The following DPY19L3 variants were observed in gnomAD, a reference collection of about 807,000 sequenced individuals.
The protein encoded by DPY19L3 is dpy-19 like C-mannosyltransferase 3.
A neutral mutation model predicts 92.3 loss-of-function variants in DPY19L3; 51 were observed. That is an observed-to-expected ratio of 0.55 (90% confidence interval 0.44 to 0.70). The LOEUF is 0.70. Ranked by LOEUF, DPY19L3 falls within the 30% of genes least tolerant of loss-of-function variation. The probability of loss-of-function intolerance (pLI) is 0.00; values close to 1 mark genes in which losing one functional copy is unlikely to be tolerated. For synonymous variants in DPY19L3, 309 were observed against 315.2 expected, an observed-to-expected ratio of 0.98 and a Z score of 0.21; for missense variants, 706 against 855.9, an observed-to-expected ratio of 0.82 and a Z score of 2.18.
At chr19:32,457,792 C>G (rs536708533) in intron 10 of DPY19L3, among the ~76,000 whole-genome samples, 63 of 152,292 alleles carry the variant, frequency 4.1e-4, no homozygotes, top group Non-Finnish European at 7.5e-4. Flanking sequence ...GCACACTATG[C>G]CTCAGCCTTC....
intron 12 of DPY19L3, among the ~76,000 whole-genome samples, chr19:32,462,298 G>C (rs1430358866): frequency 6.6e-6 from 1 of 152,154 alleles, no homozygotes; most frequent in Non-Finnish European, 1.5e-5. Flanking sequence ...AGGACCAAGG[G>C]ATGATGATCT....
intron 8 of DPY19L3, among the ~76,000 whole-genome samples, chr19:32,441,228 G>T (rs1445852426): frequency 1.3e-5 from 2 of 152,056 alleles, no homozygotes; most frequent in Admixed American, 1.3e-4. Flanking sequence ...GGGCGGAAAA[G>T]ATAAAAAGAA....
chr19:32,465,808 C>T (rs1445976855), intron 15 of DPY19L3, among the ~76,000 whole-genome samples: 1 of 152,190 alleles, frequency 6.6e-6, no homozygotes, highest in African/African-American at 2.4e-5. Flanking sequence ...TCTGTGCTAA[C>T]TCCTAGATAT....
rs369731956 is a variant in DPY19L3 at position 32,462,009 on chromosome 19, C to T, written c.1323-1357C>T. On this transcript the variant is annotated intron_variant, in intron 12 of 18. Coordinates refer to ENST00000392250, the MANE Select transcript of DPY19L3 (RefSeq NM_001172774.2). ...CGGATGGTTTCACACCCTTTCTATA[C>T]TATGTTTTTTTCCTATACATATATC... Among the ~76,000 whole-genome samples the T allele has an allele frequency of 1.0e-3, 153 of 152,172 alleles. 3 individuals carry two copies. In the South Asian group the frequency reaches 0.032, roughly 31 times the overall value.
intron 15 of DPY19L3, among the ~76,000 whole-genome samples, chr19:32,465,829 A>G (rs1970185510): frequency 6.6e-6 from 1 of 152,242 alleles, no homozygotes; most frequent in Admixed American, 6.5e-5. Context: ...TAAAAAACAC[A>G]CAAATAGATT....
intron 6 of DPY19L3, among the ~76,000 whole-genome samples, chr19:32,437,752 G>A (rs545700551): frequency 2.7e-5 from 4 of 150,066 alleles, no homozygotes; most frequent in East Asian, 1.9e-4. Context: ...GGTAATTAAC[G>A]TATCAGTCAT....
At chr19:32,440,442 A>G (rs374905678) in intron 8 of DPY19L3, among the ~76,000 whole-genome samples, 31 of 152,314 alleles carry the variant, frequency 2.0e-4, no homozygotes, top group African/African-American at 7.5e-4. Context: ...GATTTTATGT[A>G]TTGCGTACAG....
chr19:32,458,939 C>G (rs1969954888), intron 12 of DPY19L3, among the ~76,000 whole-genome samples: 1 of 152,164 alleles, frequency 6.6e-6, no homozygotes, highest in African/African-American at 2.4e-5. Context: ...ACTGTTGACT[C>G]ATAAGCCTCT....
intron 17 of DPY19L3, chr19:32,479,596 C>G (rs1019086875): frequency 6.9e-6 from 3 of 436,214 alleles, no homozygotes; most frequent in Non-Finnish European, 1.4e-5. Flanking sequence ...ACCCTCAAGC[C>G]CAAATCAGAA....
rs1235024665 is a variant in DPY19L3, at chr19:32,485,166, C to T, written c.*2926C>T. 4 of 152,202 alleles carry T rather than the reference C, an allele frequency of 2.6e-5. No individual in the cohort carries two copies. Among genetic ancestry groups the T allele is most frequent in the Admixed American group, 6.5e-5 (1 of 15,286 alleles). The allele number at this position is 152,202 out of a possible 1,614,324, so 9.4% of individuals were successfully genotyped here. A position where few individuals can be genotyped will look rare whatever the true frequency, so the allele number is the denominator to read the frequency against. ...ACACAGTTTAGGTTATGATTCCCTA[C>T]TTTAACCTACTTACTTTATTAAATG... On this transcript the variant is annotated 3_prime_UTR_variant, in exon 19 of 19. Transcript: ENST00000392250.
intron 3 of DPY19L3, among the ~76,000 whole-genome samples, chr19:32,430,699 T>G (rs1314670079): frequency 2.0e-5 from 3 of 151,842 alleles, no homozygotes; most frequent in Admixed American, 6.6e-5. Flanking sequence ...CACAGCAGCC[T>G]CAGCCTCCCA....
In DPY19L3 at chr19:32,439,110, A is replaced by G; in HGVS notation, c.597-2A>G. On this transcript the variant is annotated splice_acceptor_variant, in intron 6 of 18. Coordinates refer to ENST00000392250, the MANE Select transcript of DPY19L3 (RefSeq NM_001172774.2). LOFTEE classifies it high-confidence loss of function. ...TGGCCATTTGTGTTTTCTTTTGTGC[A>G]GAATAGATACCACAAGAGTTGAGTT... 6.2e-7 allele frequency: 1 copy of G among 1,607,246 alleles called. No individual in the cohort carries two copies. The highest frequency in any genetic ancestry group is 1.3e-5 in the African/African-American group (1 of 74,694).
chr19:32,460,414 T>C (rs148043511), intron 12 of DPY19L3, among the ~76,000 whole-genome samples: 145 of 152,206 alleles, frequency 9.5e-4, no homozygotes, highest in African/African-American at 3.4e-3. Flanking sequence ...CTATCTCTAT[T>C]TTTAAAAAAT....
intron 4 of DPY19L3, among the ~76,000 whole-genome samples, chr19:32,433,604 G>C (rs1969041489): frequency 6.6e-6 from 1 of 152,028 alleles, no homozygotes. Flanking sequence ...TTGTTTCTCT[G>C]TGGAGACGAA....
intron 8 of DPY19L3, among the ~76,000 whole-genome samples, chr19:32,449,170 C>G (rs967599361): frequency 6.6e-6 from 1 of 152,056 alleles, no homozygotes; most frequent in Admixed American, 6.6e-5. Flanking sequence ...CAAACACTTC[C>G]TAGAAAGAAG....
chr19:32,439,965 T>C, intron 8 of DPY19L3, 55 bp downstream of exon 8: 1 of 1,589,944 alleles, frequency 6.3e-7, no homozygotes, highest in Non-Finnish European at 8.5e-7. Flanking sequence ...TGTTTTTATA[T>C]CATAGAATGA....
At chr19:32,453,418 T>C in intron 9 of DPY19L3, 142 bp downstream of exon 9, 1 of 800,400 alleles carries the variant, frequency 1.2e-6, no homozygotes, top group Non-Finnish European at 1.9e-6. Context: ...GTGTGCTTTT[T>C]CTTGTGCATG....
chr19:32,425,508 G>A (rs908006894), intron 3 of DPY19L3, among the ~76,000 whole-genome samples: 1 of 151,564 alleles, frequency 6.6e-6, no homozygotes, highest in Non-Finnish European at 1.5e-5. Flanking sequence ...CTGAGATGGC[G>A]CCACTGTGCT....
chr19:32,469,495 A>T (rs1243353266), intron 16 of DPY19L3, among the ~76,000 whole-genome samples: 28 of 135,936 alleles, frequency 2.1e-4, no homozygotes, highest in Middle Eastern at 4.0e-3. Flanking sequence ...GACTCTCTCT[A>T]AAAAAAAAAA....
Sources: gnomAD v4.1 joint callset for allele counts (sites outside exome capture counted in the v4.1 genomes callset) on GRCh38, gnomAD v4.1.1 for gene constraint, MANE v1.5 for transcripts, NCBI Gene and HGNC (gene_info 2026-07-23, HGNC 2026-07-21) for gene names.